MEGF10: variants seen among roughly 807,000 people sequenced by gnomAD.
MEGF10 encodes the protein multiple EGF like domains 10.
In MEGF10, 86 loss-of-function variants were observed where a neutral mutation model predicts 147.5. That is an observed-to-expected ratio of 0.58 (90% CI 0.49 to 0.70). The LOEUF (loss-of-function observed/expected upper bound fraction) is 0.70, where lower values mean the gene tolerates loss of function less well. MEGF10 is among the 30% of genes least tolerant of loss of function. MEGF10 has a pLI of 0.00. For missense variants in MEGF10, 1,329 were observed against 1,487.3 expected, an observed-to-expected ratio of 0.89 and a Z score of 1.75; for synonymous variants, 478 against 525.5, an observed-to-expected ratio of 0.91 and a Z score of 1.24.
chr5:127,279,183 T>C, the MEGF10 span, among the ~76,000 whole-genome samples: 5 of 152,140 alleles, frequency 3.3e-5, no homozygotes, highest in Non-Finnish European at 7.4e-5. Context: ...CTTAAAATGT[T>C]GAGGAACATG....
At chr5:127,397,469 AT>A (rs1288669372) in intron 6 of MEGF10, among the ~76,000 whole-genome samples, 2 of 152,206 alleles carry the variant, frequency 1.3e-5, no homozygotes, top group African/African-American at 4.8e-5. Flanking sequence ...CACCAACAGA[AT>A]TAAGAGGCAG....
At chr5:127,308,332 C>T (rs953051643) in intron 1 of MEGF10, among the ~76,000 whole-genome samples, 85 of 152,172 alleles carry the variant, frequency 5.6e-4, no homozygotes, top group African/African-American at 1.9e-3. Flanking sequence ...TTTCTGAGAA[C>T]GTAAGGAACA....
chr5:127,391,015 AT>A, intron 5 of MEGF10, among the ~76,000 whole-genome samples: 1 of 151,836 alleles, frequency 6.6e-6, no homozygotes, highest in Non-Finnish European at 1.5e-5. Context: ...CTAAGGTATT[AT>A]TAATGAGTTA....
At chr5:127,279,433 C>A in the MEGF10 span, among the ~76,000 whole-genome samples, 2 of 152,230 alleles carry the variant, frequency 1.3e-5, no homozygotes, top group South Asian at 4.1e-4. Flanking sequence ...GATCCTGGAA[C>A]TGAGTGCCCA....
rs1351454905 is a variant in MEGF10, at chr5:127,331,405, G to GC, written c.97_98insC (p.Val33AlafsTer3). Reference sequence around the variant, plus strand: ...ACCTCTGAATCTTGAAGACCCTAATGTGTGTAGCCACTGGGAAAGGTAATG... The same window carrying GC: ...ACCTCTGAATCTTGAAGACCCTAATGCTGTGTAGCCACTGGGAAAGGTAATG... On this transcript the variant is annotated frameshift_variant, in exon 2 of 25. Transcript: ENST00000503335. LOFTEE classifies it high-confidence loss of function. 6.2e-7 allele frequency: 1 copy of GC among 1,608,292 alleles called. No homozygotes were observed. The highest frequency in any genetic ancestry group is 1.1e-5 in the South Asian group (1 of 90,644).
chr5:127,405,967 T>C (rs996405876), intron 8 of MEGF10, among the ~76,000 whole-genome samples: 7 of 152,184 alleles, frequency 4.6e-5, no homozygotes, highest in African/African-American at 1.7e-4. Context: ...ATCCTGGTTT[T>C]AGGTTGTATT....
At chr5:127,273,814 T>G in the MEGF10 span, among the ~76,000 whole-genome samples, 1 of 152,226 alleles carries the variant, frequency 6.6e-6, no homozygotes, top group African/African-American at 2.4e-5. Flanking sequence ...AAATACCTAC[T>G]TATGTACAGG....
chr5:127,324,160 G>C (rs1041517400), intron 1 of MEGF10, among the ~76,000 whole-genome samples: 1 of 151,218 alleles, frequency 6.6e-6, no homozygotes. Flanking sequence ...TTGAAAAAAA[G>C]AGGAAAAAAA....
chr5:127,283,666 C>T, the MEGF10 span, among the ~76,000 whole-genome samples: 7 of 152,292 alleles, frequency 4.6e-5, no homozygotes, highest in East Asian at 1.2e-3. Flanking sequence ...TGTTAAAATG[C>T]GGTCTCCACC....
At chr5:127,359,044 ACACAAG>A (rs1762377699) in intron 4 of MEGF10, among the ~76,000 whole-genome samples, 1 of 151,428 alleles carries the variant, frequency 6.6e-6, no homozygotes, top group African/African-American at 2.4e-5. Flanking sequence ...GACTATTTCA[ACACAAG>A]CTGTTTTGTT....
intron 1 of MEGF10, among the ~76,000 whole-genome samples, chr5:127,295,437 G>A (rs376070144): frequency 4.6e-5 from 7 of 152,186 alleles, no homozygotes; most frequent in African/African-American, 1.7e-4. Context: ...TTCTACCTTT[G>A]TCTTACTTAG....
the MEGF10 span, among the ~76,000 whole-genome samples, chr5:127,268,968 A>G: frequency 2.6e-5 from 4 of 152,240 alleles, no homozygotes; most frequent in African/African-American, 4.8e-5. Context: ...GCTGATACCC[A>G]GGCAAACAGG....
At chr5:127,335,405 G>A (rs1324879794) in intron 2 of MEGF10, among the ~76,000 whole-genome samples, 1 of 152,170 alleles carries the variant, frequency 6.6e-6, no homozygotes, top group Non-Finnish European at 1.5e-5. Flanking sequence ...GGTATGGAGT[G>A]TTAGCAGAGG....
At chr5:127,397,941 C>A (rs1580814775) in intron 6 of MEGF10, among the ~76,000 whole-genome samples, 1 of 151,984 alleles carries the variant, frequency 6.6e-6, no homozygotes, top group Non-Finnish European at 1.5e-5. Flanking sequence ...TGGAAGCCAT[C>A]ATTCTCAGCA....
intron 5 of MEGF10, among the ~76,000 whole-genome samples, chr5:127,386,141 C>A (rs1435017190): frequency 6.6e-6 from 1 of 152,154 alleles, no homozygotes; most frequent in Non-Finnish European, 1.5e-5. Flanking sequence ...CAATAAAAAA[C>A]ACCTGACCTG....
At chr5:127,405,220 G>A (rs999846684) in intron 8 of MEGF10, among the ~76,000 whole-genome samples, 1 of 152,066 alleles carries the variant, frequency 6.6e-6, no homozygotes, top group African/African-American at 2.4e-5. Context: ...TTTTTATGAT[G>A]TCTTTGAATT....
intron 12 of MEGF10, among the ~76,000 whole-genome samples, chr5:127,422,114 A>G (rs139986802): frequency 1.3e-5 from 2 of 152,070 alleles, no homozygotes; most frequent in African/African-American, 2.4e-5. Flanking sequence ...TTCACTATTT[A>G]TATGTCCCAA....
chr5:127,242,660 T>A, the MEGF10 span, among the ~76,000 whole-genome samples: 2 of 152,226 alleles, frequency 1.3e-5, no homozygotes, highest in Non-Finnish European at 2.9e-5. Context: ...TACTGTTTTT[T>A]ATTTTTTTTT....
chr5:127,448,232 C>T (rs2127030660), intron 21 of MEGF10, among the ~76,000 whole-genome samples: 1 of 152,280 alleles, frequency 6.6e-6, no homozygotes, highest in Non-Finnish European at 1.5e-5. Flanking sequence ...GGTCACATAG[C>T]AACAACCTAA....
Sources: allele counts gnomAD v4.1 joint callset (sites outside exome capture counted in the v4.1 genomes callset), GRCh38; gene constraint gnomAD v4.1.1; transcripts MANE v1.5; gene names NCBI Gene and HGNC (gene_info 2026-07-23, HGNC 2026-07-21).